Variants in KIF1C observed in about 807,000 individuals in gnomAD.
The protein encoded by KIF1C is kinesin-like protein KIF1C.
Under a neutral mutation model 126.5 loss-of-function variants are expected in KIF1C, and 61 were observed. The observed-to-expected ratio is 0.48, with a 90% CI of 0.39 to 0.60. The LOEUF is 0.60. KIF1C is among the 20% of genes least tolerant of loss of function. The pLI is 0.00. For synonymous variants in KIF1C, 640 were observed against 580.6 expected, an observed-to-expected ratio of 1.10 and a Z score of -1.47; for missense variants, 1,315 against 1,489.2, an observed-to-expected ratio of 0.88 and a Z score of 1.93.
intron 12 of KIF1C, 79 bp from the exon 13 acceptor site, chr17:5,004,776 G>T: frequency 6.2e-7 from 1 of 1,604,552 alleles, no homozygotes; most frequent in South Asian, 1.1e-5. Flanking sequence ...CTTGAGACCT[G>T]GGAGAGGGGG....
At position 5,024,028 on chromosome 17, in the gene KIF1C, G is replaced by A. The variant is rs1290013425; in HGVS notation, c.3189G>A (p.Gln1063=). 6.3e-7 allele frequency: 1 copy of A among 1,599,062 alleles called. No individual in the cohort carries two copies. Residue 1063 remains glutamine, a synonymous_variant, in exon 23 of 23, where the codon CAG becomes CAA. Transcript: ENST00000320785. ...FQPKKHNSYP[Q]PPQPYPAQRP... The stretch of plus-strand genomic sequence containing the variant: ...CCAAAAAGCACAACTCTTATCCCCA[G>A]CCACCCCAACCCTACCCAGCCCAGC...
intron 16 of KIF1C, among the ~76,000 whole-genome samples, chr17:5,009,462 G>A (rs1428307469): frequency 6.6e-6 from 1 of 151,858 alleles, no homozygotes; most frequent in African/African-American, 2.4e-5. Context: ...ACAGGTGTGA[G>A]CCACCGTGCC....
chr17:5,013,645 C>G lies in KIF1C; in HGVS notation c.1492-8C>G. The G allele has an allele frequency of 1.9e-6, 3 of 1,612,156 alleles. No homozygotes were observed. Among genetic ancestry groups the G allele is most frequent in the Non-Finnish European group, 2.5e-6 (3 of 1,178,426 alleles). On this transcript the variant is annotated splice_region_variant and splice_polypyrimidine_tract_variant and intron_variant, in intron 16 of 22. Transcript: ENST00000320785. ...GCTCCCCCTGACCACCTTTCTCTCC[C>G]CGCTTAGACTCCCCACCTGGTGAAC... is the stretch of plus-strand genomic sequence containing the variant.
rs549971892 is a variant in KIF1C, at chr17:5,023,583, C to T, written c.2744C>T (p.Ser915Leu). 17 of 1,613,578 alleles carry T rather than the reference C, an allele frequency of 1.1e-5. No individual in the cohort carries two copies. The highest frequency in any genetic ancestry group is 3.3e-5 in the South Asian group (3 of 91,070). Reference sequence around the variant, plus strand: ...CGCATGCCGTCAGCCCGGCCCCCCTCGCCACCACTGTCAAGCTGGGAGCGG... The same window carrying T: ...CGCATGCCGTCAGCCCGGCCCCCCTTGCCACCACTGTCAAGCTGGGAGCGG... ...SDRMPSARPP[S>L]PPLSSWERVS... is the part of the protein sequence containing the mutation. The change falls in exon 23 of 23, where the codon TCG becomes TTG. Residue 915 changes from serine (S) to leucine (L), a missense_variant. By Grantham distance (145) the Ser-to-Leu change is moderately radical (BLOSUM62 -2). This residue lies in a region of KIF1C where 441 missense variants were observed against 436.1 expected (regional missense o/e 1.01). Transcript: ENST00000320785. This position sits in a 1 kb window ranked among gnomAD's most constrained non-coding sequence, Gnocchi z 4.2.
In KIF1C at chr17:5,000,284, G is replaced by C; in HGVS notation, c.38G>C (p.Arg13Pro). ...GASVKVAVRV[R>P]PFNARETSQD... ...TCGGTGAAAGTGGCAGTGAGGGTTCGGCCCTTTAACGCCCGTGAGACCAGC... is the reference window on the plus strand; with the variant it reads ...TCGGTGAAAGTGGCAGTGAGGGTTCCGCCCTTTAACGCCCGTGAGACCAGC... Residue 13 changes from arginine to proline, a missense_variant, in exon 3 of 23, where the codon CGG (arginine) becomes CCG (proline). Coordinates refer to ENST00000320785, the MANE Select transcript of KIF1C (RefSeq NM_006612.6). The C allele has an allele frequency of 6.3e-7, 1 of 1,587,096 alleles. No homozygotes were observed. Among genetic ancestry groups the C allele is most frequent in the Non-Finnish European group, 8.6e-7 (1 of 1,167,974 alleles).
Position 5,007,016 on chromosome 17 carries a change from C to T in KIF1C, c.1267C>T (p.Leu423=), listed in dbSNP as rs1034923851. The change falls in exon 14 of 23, where the codon CTG becomes TTG. Residue 423 remains leucine (L), a synonymous_variant. Coordinates refer to ENST00000320785, the MANE Select transcript of KIF1C (RefSeq NM_006612.6). ...ATCACCCACCACACATAATGGGGAG[C>T]TGGAGCCGTCATTCTCCCCCAACAC... ...PSSPTTHNGE[L]EPSFSPNTES... 4 of 1,609,884 alleles carry T rather than the reference C, an allele frequency of 2.5e-6. No homozygotes were observed. The highest frequency in any genetic ancestry group is 3.4e-6 in the Non-Finnish European group (4 of 1,178,850).
rs1036197861 is a variant in KIF1C, at chr17:5,004,966, G to C, written c.1131G>C (p.Leu377=). 5.6e-6 allele frequency: 9 copies of C among 1,614,140 alleles called. No homozygotes were observed. Among genetic ancestry groups the C allele is most frequent in the Admixed American group, 3.3e-5 (2 of 60,014 alleles). The change falls in exon 13 of 23, where the codon CTG becomes CTC. Residue 377 remains leucine, a synonymous_variant. Transcript: ENST00000320785. ...QEEVARLREL[L]MAQGLSASAL... Reference sequence around the variant, plus strand: ...AAGTAGCCCGGCTGCGGGAACTGCTGATGGCTCAGGGACTGTCAGCCTCTG... The same window carrying C: ...AAGTAGCCCGGCTGCGGGAACTGCTCATGGCTCAGGGACTGTCAGCCTCTG...
intron 1 of KIF1C, among the ~76,000 whole-genome samples, chr17:4,999,244 G>T (rs1240158701): frequency 6.6e-6 from 1 of 152,158 alleles, no homozygotes; most frequent in Non-Finnish European, 1.5e-5. Context: ...TTGCCCATCT[G>T]CACTACTGGC....
rs1397688346 is a variant in KIF1C, at chr17:5,025,275, G to A, written c.*1124G>A. The A allele has an allele frequency of 6.6e-6, 1 of 152,356 alleles. No homozygotes were observed. Among genetic ancestry groups the A allele is most frequent in the East Asian group, 1.9e-4 (1 of 5,198 alleles). The allele number at this position is 152,356 out of a possible 1,614,324, so 9.4% of individuals were successfully genotyped here. ...AGAAGCGGGGATGCGAGGGGAGGTA[G>A]AGGGACCGCCAGCCTGTCAATGCTT... On this transcript the variant is annotated 3_prime_UTR_variant, in exon 23 of 23. Coordinates refer to ENST00000320785, the MANE Select transcript of KIF1C (RefSeq NM_006612.6).
chr17:5,023,942 G>A lies in KIF1C; in HGVS notation c.3103G>A (p.Asp1035Asn). The change falls in exon 23 of 23, where the codon GAT becomes AAT. Residue 1035 changes from aspartate (D) to asparagine (N), a missense_variant. Coordinates refer to ENST00000320785, the MANE Select transcript of KIF1C (RefSeq NM_006612.6). The surrounding 1 kb of genome is among the most constrained non-coding windows in gnomAD (Gnocchi z 4.2). The part of the protein sequence containing the change: ...RSHHPRRNSL[D>N]GGGRSRGAGS... The stretch of plus-strand genomic sequence containing the variant: ...CCACCATCCCCGCAGGAACTCCCTG[G>A]ATGGAGGGGGCCGATCCCGGGGAGC... The A allele has an allele frequency of 6.3e-7, 1 of 1,575,390 alleles. No individual in the cohort carries two copies. Among genetic ancestry groups the A allele is most frequent in the Non-Finnish European group, 8.6e-7 (1 of 1,160,656 alleles).
chr17:5,005,120 G>C (rs1170879293), intron 13 of KIF1C, 120 bp downstream of exon 13: 19 of 1,243,226 alleles, frequency 1.5e-5, no homozygotes, highest in Non-Finnish European at 1.9e-5. Context: ...CCTTTCATGT[G>C]CTCAGTGACG....
chr17:5,027,103 G>A lies in KIF1C; in HGVS notation c.*2952G>A, dbSNP rs1223962557. ...TCTTTTGTCTGCATTTTTCAGATGG[G>A]AAGACTGAGGTTTTGTTTATTTATT... On this transcript the variant is annotated 3_prime_UTR_variant, in exon 23 of 23. Coordinates refer to ENST00000320785, the MANE Select transcript of KIF1C (RefSeq NM_006612.6). 6.6e-6 allele frequency: 1 copy of A among 152,126 alleles called. No individual in the cohort carries two copies. Among genetic ancestry groups the A allele is most frequent in the African/African-American group, 2.4e-5 (1 of 41,418 alleles). 9.4% of individuals were successfully genotyped at this position (152,126 alleles called of 1,614,324 possible).
At position 5,020,821 on chromosome 17, in the gene KIF1C, GA is replaced by G; in HGVS notation, c.1955del (p.Asn652IlefsTer96). The part of the protein sequence containing the change: ...EMEKRLQDLE[N>X]QYRKEKEEAD... The stretch of plus-strand genomic sequence containing the variant: ...CCAATCCCAGGCTGCAGGATCTGGA[GA>G]ATCAGTACCGGAAAGAAAAGGAAGA... On this transcript the variant is annotated frameshift_variant, in exon 21 of 23. Coordinates refer to ENST00000320785, the MANE Select transcript of KIF1C (RefSeq NM_006612.6). LOFTEE classifies it high-confidence loss of function. This position sits in a 1 kb window ranked among gnomAD's most constrained non-coding sequence, Gnocchi z 5.8. The G allele has an allele frequency of 2.5e-6, 4 of 1,594,248 alleles. No individual in the cohort carries two copies. The highest frequency in any genetic ancestry group is 3.4e-6 in the Non-Finnish European group (4 of 1,170,096).
In KIF1C at chr17:5,002,498, G is replaced by A. The variant is rs1392886784; in HGVS notation, c.464G>A (p.Arg155Gln). The stretch of plus-strand genomic sequence containing the variant: ...ATGGAGATCTACTGTGAGCGGGTAC[G>A]AGACCTCTTGAACCCCAAGAGTCGG... ...SYMEIYCERV[R>Q]DLLNPKSRGS... Residue 155 changes from arginine (R) to glutamine (Q), a missense_variant, in exon 7 of 23, where the codon CGA becomes CAA. Physicochemically the swap from Arg to Gln is conservative, Grantham distance 43. Around this residue, in one of 2 missense-constraint regions of KIF1C, gnomAD observed 874 missense variants for 1,053.2 expected, o/e 0.83. Coordinates refer to ENST00000320785, the MANE Select transcript of KIF1C (RefSeq NM_006612.6). 8 of 1,610,988 alleles carry A rather than the reference G, an allele frequency of 5.0e-6. No individual in the cohort carries two copies. Among genetic ancestry groups the A allele is most frequent in the South Asian group, 1.1e-5 (1 of 90,968 alleles).
At chr17:5,011,453 A>G (rs1974864392) in intron 16 of KIF1C, 1 of 152,252 alleles carries the variant, frequency 6.6e-6, no homozygotes, top group Non-Finnish European at 1.5e-5. Context: ...CTTCTTGCTT[A>G]TCTGCTTGAT....
At chr17:5,009,705 A>T (rs764480321) in intron 16 of KIF1C, among the ~76,000 whole-genome samples, 1 of 149,884 alleles carries the variant, frequency 6.7e-6, no homozygotes, top group African/African-American at 2.4e-5. Context: ...GTAGAATGAC[A>T]TGAACCCGGG....
At chr17:5,002,260 C>T (rs576370766) in intron 6 of KIF1C, 136 bp downstream of exon 6, 194 of 984,394 alleles carry the variant, frequency 2.0e-4, no homozygotes, top group Non-Finnish European at 2.8e-4. Context: ...TTCTGTCCTT[C>T]AGCTTCGTAT....
intron 16 of KIF1C, among the ~76,000 whole-genome samples, 187 bp from the exon 17 acceptor site, chr17:5,013,466 C>A (rs1974908774): frequency 6.6e-6 from 1 of 151,970 alleles, no homozygotes; most frequent in South Asian, 2.1e-4. Flanking sequence ...AGGTGGGAAC[C>A]AAAGAACGTC....
Position 5,024,087 on chromosome 17 carries a change from C to A in KIF1C, c.3248C>A (p.Thr1083Asn). The change falls in exon 23 of 23, where the codon ACT (threonine) becomes AAT (asparagine). Residue 1083 changes from threonine (T) to asparagine (N), a missense_variant. Transcript: ENST00000320785. ...GGGCCCCGCTACCCCCCATACACTA[C>A]TCCCCCACGAATGAGACGGCAGCGT... ...PPGPRYPPYTTPPRMRRQRSA... is the reference protein window; with the variant it reads ...PPGPRYPPYTNPPRMRRQRSA... 1 of 1,608,942 alleles carries A rather than the reference C, an allele frequency of 6.2e-7. No homozygotes were observed. The highest frequency in any genetic ancestry group is 8.5e-7 in the Non-Finnish European group (1 of 1,177,418).
Sources: gnomAD v4.1 joint callset for allele counts (sites outside exome capture counted in the v4.1 genomes callset) on GRCh38, gnomAD v4.1.1 for gene constraint, gnomAD v4.1.1 regional missense constraint, Gnocchi (gnomAD v3.1) non-coding constraint, MANE v1.5 for transcripts, NCBI Gene and HGNC (gene_info 2026-07-23, HGNC 2026-07-21) for gene names.